GGTLC1: variants seen among roughly 807,000 people sequenced by gnomAD.
GGTLC1 encodes the protein glutathione hydrolase light chain 1.
GGTLC1 carries 14 observed loss-of-function variants against 19.5 expected under a neutral mutation model. That is an observed-to-expected ratio of 0.72 (90% CI 0.47 to 1.12). The LOEUF is 1.12. GGTLC1 is among the 50% of genes most tolerant of loss of function. GGTLC1 has a pLI of 0.00. For missense variants in GGTLC1, 304 were observed against 309.2 expected (o/e 0.98, Z 0.13); for synonymous variants, 110 against 124.2 (o/e 0.89, Z 0.76).
chr20:23,985,697 G>T lies in GGTLC1; in HGVS notation c.501C>A (p.Asn167Lys), dbSNP rs376995039. ...CAATGTTTCTCTCCACTGTCGTGAC[G>T]TTGGGCAGAAGCTGGTTGTGCAGCC... ...EPRLHNQLLPNVTTVERNIDQ... is the reference protein window; with the variant it reads ...EPRLHNQLLPKVTTVERNIDQ... Residue 167 changes from asparagine (N) to lysine (K), a missense_variant, in exon 5 of 6, where the codon AAC (asparagine) becomes AAA (lysine). Coordinates refer to ENST00000335694, the MANE Select transcript of GGTLC1 (RefSeq NM_178311.3). 6.1e-5 allele frequency: 98 copies of T among 1,611,934 alleles called. No homozygotes were observed. Among genetic ancestry groups the T allele is most frequent in the Non-Finnish European group, 8.2e-5 (97 of 1,179,888 alleles).
In GGTLC1 at chr20:23,986,080, C is replaced by G; in HGVS notation, c.300G>C (p.Gln100His). 6.3e-7 allele frequency: 1 copy of G among 1,586,224 alleles called. No individual in the cohort carries two copies. The highest frequency in any genetic ancestry group is 8.6e-7 in the Non-Finnish European group (1 of 1,165,954). The stretch of plus-strand genomic sequence containing the variant: ...CCTCGGACCTCCACCCCATACCTGG[C>G]TGGATGAAATTGGCAGGTGAGGGGG... ...GVPPSPANFI[Q>H]PGKQPLSSMC... is the part of the protein sequence containing the mutation. The change falls in exon 3 of 6, where the codon CAG becomes CAC. Residue 100 changes from glutamine (Q) to histidine (H), a missense_variant. By Grantham distance (24) the Gln-to-His change is conservative (BLOSUM62 0). Coordinates refer to ENST00000335694, the MANE Select transcript of GGTLC1 (RefSeq NM_178311.3).
At chr20:23,987,365 A>G (rs955713245) in intron 1 of GGTLC1, among the ~76,000 whole-genome samples, 1 of 152,124 alleles carries the variant, frequency 6.6e-6, no homozygotes, top group African/African-American at 2.4e-5. Context: ...GATAAAGTCC[A>G]AAGGGGAGGC....
chr20:23,987,282 G>C (rs540040931), intron 1 of GGTLC1, among the ~76,000 whole-genome samples: 30 of 152,358 alleles, frequency 2.0e-4, no homozygotes, highest in African/African-American at 6.0e-4. Context: ...TGCCATGCAG[G>C]CTTAGGGCAG....
chr20:23,988,070 A>G (rs1988049202), intron 1 of GGTLC1, among the ~76,000 whole-genome samples: 1 of 95,692 alleles, frequency 1.0e-5, no homozygotes, highest in Non-Finnish European at 2.1e-5. Flanking sequence ...AAAAAAAAAG[A>G]GTCTGGCTCT....
intron 2 of GGTLC1, 29 bp downstream of exon 2, chr20:23,986,407 T>G: frequency 6.2e-7 from 1 of 1,609,754 alleles, no homozygotes; most frequent in Non-Finnish European, 8.5e-7. Flanking sequence ...CCTGGCCCTT[T>G]CCCACCCAGG....
At chr20:23,986,253 G>T in intron 2 of GGTLC1, 50 bp from the exon 3 acceptor site, 3 of 1,593,260 alleles carry the variant, frequency 1.9e-6, no homozygotes, top group Non-Finnish European at 2.6e-6. Flanking sequence ...GGCCCAGCCT[G>T]GTCCCTATCC....
rs779251177 is a variant in GGTLC1 at position 23,988,068 on chromosome 20, A to AG, written c.-35+540dup. Among the ~76,000 whole-genome samples, 162 of 57,740 alleles carry AG rather than the reference A, an allele frequency of 2.8e-3. 1 individual carries two copies. The highest frequency in any genetic ancestry group is 4.5e-3 in the Non-Finnish European group (134 of 29,592). The allele number at this position is 57,740 out of a possible 152,430, so 37.9% of individuals were successfully genotyped here. ...CTCAAAAAAAAAAAAAAAAAAAAAA[A>AG]GAGTCTGGCTCTGTTGCCCAGGCTG... On this transcript the variant is annotated intron_variant, in intron 1 of 5. Coordinates refer to ENST00000335694, the MANE Select transcript of GGTLC1 (RefSeq NM_178311.3).
intron 3 of GGTLC1, 25 bp downstream of exon 3, chr20:23,986,051 C>T (rs772173397): frequency 6.2e-7 from 1 of 1,613,016 alleles, no homozygotes; most frequent in South Asian, 1.1e-5. Flanking sequence ...CCCCAGTCCC[C>T]CACCCTCGGA....
intron 1 of GGTLC1, 171 bp from the exon 2 acceptor site, chr20:23,986,816 C>T (rs1987955481): frequency 6.9e-7 from 1 of 1,446,230 alleles, no homozygotes; most frequent in Non-Finnish European, 9.2e-7. Flanking sequence ...TGTCGCATTC[C>T]AGCAACTCTG....
At chr20:23,987,915 G>A (rs1270193169) in intron 1 of GGTLC1, among the ~76,000 whole-genome samples, 1 of 140,632 alleles carries the variant, frequency 7.1e-6, no homozygotes, top group Non-Finnish European at 1.5e-5. Context: ...CGGGTGTGGT[G>A]GCGGGCGCCT....
In GGTLC1 at chr20:23,986,119, G is replaced by T; in HGVS notation, c.261C>A (p.Asn87Lys). The change falls in exon 3 of 6, where the codon AAC (asparagine) becomes AAA (lysine). Residue 87 changes from asparagine (N) to lysine (K), a missense_variant. By Grantham distance (94) the Asn-to-Lys change is moderately conservative. Coordinates refer to ENST00000335694, the MANE Select transcript of GGTLC1 (RefSeq NM_178311.3). ...CAGGTGAGGGGGGTACCCCAAACTC[G>T]TTGGTGATGCTGGTAGAGCTGAAGT... ...MDDFSSTSITNEFGVPPSPAN... is the reference protein window; with the variant it reads ...MDDFSSTSITKEFGVPPSPAN... 6.2e-7 allele frequency: 1 copy of T among 1,613,216 alleles called. No individual in the cohort carries two copies. The highest frequency in any genetic ancestry group is 8.5e-7 in the Non-Finnish European group (1 of 1,179,778).
chr20:23,985,389 T>G, intron 5 of GGTLC1, 27 bp from the exon 6 acceptor site: 1 of 1,611,346 alleles, frequency 6.2e-7, no homozygotes, highest in Non-Finnish European at 8.5e-7. Flanking sequence ...AGGGGAAGCC[T>G]GAGCAGGGCT....
intron 2 of GGTLC1, 22 bp from the exon 3 acceptor site, chr20:23,986,225 C>G: frequency 6.3e-7 from 1 of 1,599,992 alleles, no homozygotes; most frequent in Non-Finnish European, 8.5e-7. Context: ...CCAGGTCAGA[C>G]AGTGCCCGAC....
At position 23,985,110 on chromosome 20, in the gene GGTLC1, G is replaced by A. The variant is rs1169677387; in HGVS notation, c.*106C>T. 4 of 1,539,492 alleles carry A rather than the reference G, an allele frequency of 2.6e-6. No individual in the cohort carries two copies. Among genetic ancestry groups the A allele is most frequent in the East Asian group, 2.4e-5 (1 of 42,198 alleles). On this transcript the variant is annotated 3_prime_UTR_variant, in exon 6 of 6. Coordinates refer to ENST00000335694, the MANE Select transcript of GGTLC1 (RefSeq NM_178311.3). ...CTGGCACAGTGGCCTCATTTATTGT[G>A]CTGCTCTGCTGCTCACAGGAGAAGC...
chr20:23,986,564 G>C lies in GGTLC1; in HGVS notation c.48C>G (p.Asp16Glu). 6.2e-7 allele frequency: 1 copy of C among 1,611,076 alleles called. No individual in the cohort carries two copies. Among genetic ancestry groups the C allele is most frequent in the Non-Finnish European group, 8.5e-7 (1 of 1,179,468 alleles). The stretch of plus-strand genomic sequence containing the variant: ...AGTAGGAGATCGGGTGAGTGGTGTC[G>C]TCAGAGATCTGGGCCCGGAGCTGGG... ...FSAQLRAQIS[D>E]DTTHPISYYK... The change falls in exon 2 of 6, where the codon GAC becomes GAG. Residue 16 changes from aspartate (D) to glutamate (E), a missense_variant. By Grantham distance (45) the Asp-to-Glu change is conservative. Transcript: ENST00000335694.
rs753397338 is a variant in GGTLC1 at position 23,985,896 on chromosome 20, G to A, written c.383C>T (p.Ala128Val). The A allele has an allele frequency of 6.2e-7, 1 of 1,612,018 alleles. No individual in the cohort carries two copies. The highest frequency in any genetic ancestry group is 1.7e-5 in the Admixed American group (1 of 60,026). Reference sequence around the variant, plus strand: ...GGCCATGGTGATCTGCGTGCCCCCGGCAGCTCCCACCACCATCCGGACCTG... The same window carrying A: ...GGCCATGGTGATCTGCGTGCCCCCGACAGCTCCCACCACCATCCGGACCTG... The part of the protein sequence containing the change: ...DGQVRMVVGA[A>V]GGTQITMATA... The change falls in exon 4 of 6, where the codon GCC becomes GTC. Residue 128 changes from alanine to valine, a missense_variant. By Grantham distance (64) the Ala-to-Val change is moderately conservative. Coordinates refer to ENST00000335694, the MANE Select transcript of GGTLC1 (RefSeq NM_178311.3).
At chr20:23,987,583 G>A (rs1410830968) in intron 1 of GGTLC1, among the ~76,000 whole-genome samples, 2 of 151,868 alleles carry the variant, frequency 1.3e-5, no homozygotes, top group Non-Finnish European at 2.9e-5. Context: ...GGGCAAGGGC[G>A]GGCTGAGAGA....
Position 23,986,810 on chromosome 20 carries a change from G to C in GGTLC1, c.-34-165C>G, listed in dbSNP as rs568182847. On this transcript the variant is annotated intron_variant, in intron 1 of 5. Coordinates refer to ENST00000335694, the MANE Select transcript of GGTLC1 (RefSeq NM_178311.3). ...ACCAGTCTGACTCCCTGTCTCTGTC[G>C]CATTCCAGCAACTCTGAATGTTTGT... 7 of 1,439,188 alleles carry C rather than the reference G, an allele frequency of 4.9e-6. No individual in the cohort carries two copies. The Admixed American group carries it at 1.8e-4, about 36-fold the overall frequency. The allele number at this position is 1,439,188 out of a possible 1,614,324, so 89.2% of individuals were successfully genotyped here.
intron 1 of GGTLC1, among the ~76,000 whole-genome samples, chr20:23,987,753 C>A (rs1365882839): frequency 6.6e-6 from 1 of 151,314 alleles, no homozygotes; most frequent in African/African-American, 2.4e-5. Flanking sequence ...CAACACCGGG[C>A]GCGGTGGCTC....
Sources: allele counts gnomAD v4.1 joint callset (sites outside exome capture counted in the v4.1 genomes callset), GRCh38; gene constraint gnomAD v4.1.1; transcripts MANE v1.5; gene names NCBI Gene and HGNC (gene_info 2026-07-23, HGNC 2026-07-21).